Variants in PGM5 observed in about 807,000 individuals in gnomAD.
The protein encoded by PGM5 is phosphoglucomutase 5.
Under a neutral mutation model 59.2 loss-of-function variants are expected in PGM5, and 23 were observed. The observed-to-expected ratio is 0.39, with a 90% CI of 0.28 to 0.55. PGM5 has a LOEUF of 0.55. PGM5 is among the 20% of genes least tolerant of loss of function. PGM5 has a pLI of 0.66. For synonymous variants in PGM5, 214 were observed against 286.0 expected (o/e 0.75, Z 2.54); for missense variants, 574 against 748.3 (o/e 0.77, Z 2.72).
At chr9:68,512,554 G>A (rs1824766151) in intron 10 of PGM5, among the ~76,000 whole-genome samples, 1 of 152,154 alleles carries the variant, frequency 6.6e-6, no homozygotes, top group Non-Finnish European at 1.5e-5. Context: ...TTGGCTCATA[G>A]ATGGCTGTCT....
At chr9:68,458,179 T>G (rs569882627) in intron 6 of PGM5, among the ~76,000 whole-genome samples, 15 of 152,340 alleles carry the variant, frequency 9.8e-5, no homozygotes, top group Admixed American at 2.6e-4. Flanking sequence ...ATTTTACATT[T>G]TTTTTTTCTT....
intron 10 of PGM5, among the ~76,000 whole-genome samples, chr9:68,526,244 GTCT>G (rs1824971617): frequency 6.6e-6 from 1 of 152,144 alleles, no homozygotes. Context: ...CAGTGAGGTG[GTCT>G]TCTTCCCAAA....
At chr9:68,369,069 G>C (rs1477866614) in intron 1 of PGM5, among the ~76,000 whole-genome samples, 1 of 152,190 alleles carries the variant, frequency 6.6e-6, no homozygotes, top group Admixed American at 6.5e-5. Flanking sequence ...TTAAACAATG[G>C]ACGACTATAT....
intron 1 of PGM5, among the ~76,000 whole-genome samples, chr9:68,364,109 C>A (rs1365280132): frequency 1.3e-5 from 2 of 152,120 alleles, no homozygotes; most frequent in Non-Finnish European, 2.9e-5. Flanking sequence ...ACATGATGAG[C>A]AGCAATGATA....
intron 1 of PGM5, among the ~76,000 whole-genome samples, chr9:68,362,164 A>T (rs1292974916): frequency 6.7e-6 from 1 of 150,276 alleles, no homozygotes; most frequent in Admixed American, 6.7e-5. Flanking sequence ...CATTTTCTTC[A>T]CAACTGGGTT....
intron 9 of PGM5, among the ~76,000 whole-genome samples, chr9:68,492,727 A>T (rs1410193119): frequency 6.6e-6 from 1 of 152,162 alleles, no homozygotes; most frequent in Non-Finnish European, 1.5e-5. Flanking sequence ...TTGCTCAACC[A>T]CTTTTGGACT....
chr9:68,359,931 C>T (rs1393503977), intron 1 of PGM5, among the ~76,000 whole-genome samples: 1 of 152,148 alleles, frequency 6.6e-6, no homozygotes, highest in East Asian at 1.9e-4. Flanking sequence ...GTAGCCTTGA[C>T]CTCCCCAGAT....
At chr9:68,458,676 T>A (rs1214951001) in intron 6 of PGM5, among the ~76,000 whole-genome samples, 1 of 152,208 alleles carries the variant, frequency 6.6e-6, no homozygotes, top group Non-Finnish European at 1.5e-5. Flanking sequence ...CAGGCTGAAA[T>A]AATGGAGGCC....
chr9:68,364,672 G>A (rs1282558663), intron 1 of PGM5, among the ~76,000 whole-genome samples: 1 of 152,156 alleles, frequency 6.6e-6, no homozygotes, highest in Non-Finnish European at 1.5e-5. Context: ...TGTGGAATTA[G>A]CAAATCTATT....
chr9:68,422,340 C>T (rs989626679), intron 6 of PGM5, among the ~76,000 whole-genome samples: 9 of 152,166 alleles, frequency 5.9e-5, no homozygotes, highest in Non-Finnish European at 7.3e-5. Context: ...TTGGGAGGAG[C>T]TGAAGGAGAT....
At chr9:68,398,050 C>T (rs1360270028) in intron 6 of PGM5, 18 of 152,146 alleles carry the variant, frequency 1.2e-4, no homozygotes, top group Non-Finnish European at 2.4e-4. Flanking sequence ...ATTCTTACCA[C>T]GTCCTTTAGA....
In PGM5 at chr9:68,478,880, G is replaced by A. The variant is rs182062841; in HGVS notation, c.1160-538G>A. Among the ~76,000 whole-genome samples, 130 of 152,262 alleles carry A rather than the reference G, an allele frequency of 8.5e-4. No individual in the cohort carries two copies. The South Asian group carries it at 0.017, about 20-fold the overall frequency. On this transcript the variant is annotated intron_variant, in intron 7 of 10. Transcript: ENST00000396396. Reference sequence around the variant, plus strand: ...TCCAGGTGGACATATCTGTTGGGTCGGGGAACCACCAGCCAACCTTAGGTC... The same window carrying A: ...TCCAGGTGGACATATCTGTTGGGTCAGGGAACCACCAGCCAACCTTAGGTC...
At chr9:68,471,566 A>C (rs1440427184) in intron 7 of PGM5, among the ~76,000 whole-genome samples, 1 of 151,384 alleles carries the variant, frequency 6.6e-6, no homozygotes, top group African/African-American at 2.4e-5. Flanking sequence ...GGATTGCCTG[A>C]GGCCAGGAGT....
chr9:68,357,519 C>A, intron 1 of PGM5, 131 bp downstream of exon 1: 1 of 1,483,300 alleles, frequency 6.7e-7, no homozygotes. Flanking sequence ...CTCACTCCCG[C>A]GTCCTCACCC....
Position 68,367,957 on chromosome 9 carries a change from G to T in PGM5, c.262-10242G>T, listed in dbSNP as rs1204033313. 4.6e-5 allele frequency among the ~76,000 whole-genome samples: 7 copies of T among 151,966 alleles called. 1 individual carries two copies. In the East Asian group the frequency reaches 1.4e-3, roughly 29 times the overall value. On this transcript the variant is annotated intron_variant, in intron 1 of 10. Transcript: ENST00000396396. ...ATATTCTACCTATGTATAAGTAAGA[G>T]AATGAGTTTTTGTTTTGGGGATATA... is the stretch of plus-strand genomic sequence containing the variant.
At position 68,417,763 on chromosome 9, in the gene PGM5, T is replaced by C. The variant is rs937252640; in HGVS notation, c.1043+25290T>C. On this transcript the variant is annotated intron_variant, in intron 6 of 10. Coordinates refer to ENST00000396396, the MANE Select transcript of PGM5 (RefSeq NM_021965.4). ...TTTTCCTGCCTGTCTTGAAAGATTG[T>C]TCTATGCGGCCACCCAGATTTCTTG... 2.0e-5 allele frequency among the ~76,000 whole-genome samples: 3 copies of C among 152,188 alleles called. No individual in the cohort carries two copies. The East Asian group carries it at 5.8e-4, about 29-fold the overall frequency.
At chr9:68,481,963 TTAAC>T (rs1824203670) in intron 8 of PGM5, among the ~76,000 whole-genome samples, 1 of 152,230 alleles carries the variant, frequency 6.6e-6, no homozygotes, top group Non-Finnish European at 1.5e-5. Flanking sequence ...CAATTTCACT[TTAAC>T]TAATACTGAG....
At chr9:68,416,172 GTCA>G (rs1285839457) in intron 6 of PGM5, among the ~76,000 whole-genome samples, 2 of 152,150 alleles carry the variant, frequency 1.3e-5, no homozygotes, top group African/African-American at 4.8e-5. Context: ...GTGATTTCCT[GTCA>G]TCCACAAAAA....
chr9:68,420,658 G>T (rs545315008), intron 6 of PGM5, among the ~76,000 whole-genome samples: 1 of 152,088 alleles, frequency 6.6e-6, no homozygotes, highest in African/African-American at 2.4e-5. Flanking sequence ...TTAATCTATG[G>T]CCAGATGTGG....
Sources: allele counts gnomAD v4.1 joint callset (sites outside exome capture counted in the v4.1 genomes callset), GRCh38; gene constraint gnomAD v4.1.1; transcripts MANE v1.5; gene names NCBI Gene and HGNC (gene_info 2026-07-23, HGNC 2026-07-21).